The following MYBL2 variants were observed in gnomAD, a reference collection of about 807,000 sequenced individuals.
The protein encoded by MYBL2 is myb-related protein B.
In MYBL2, 28 loss-of-function variants were observed where a neutral mutation model predicts 79.9. That is an observed-to-expected ratio of 0.35 (90% CI 0.26 to 0.48). The LOEUF is 0.48. Among genes scored for constraint, MYBL2 ranks in the 20% least tolerant of loss-of-function variants. The pLI is 0.99. For synonymous variants in MYBL2, 378 were observed against 361.2 expected (o/e 1.05, Z -0.53); for missense variants, 735 against 893.9 (o/e 0.82, Z 2.27).
intron 13 of MYBL2, among the ~76,000 whole-genome samples, 184 bp from the exon 14 acceptor site, chr20:43,715,775 T>C (rs577999557): frequency 2.6e-4 from 39 of 152,160 alleles, no homozygotes; most frequent in African/African-American, 8.9e-4. Context: ...TACTTACAGT[T>C]GAGGAAGCCC....
intron 10 of MYBL2, among the ~76,000 whole-genome samples, chr20:43,711,007 G>A (rs1199873994): frequency 2.0e-5 from 3 of 152,118 alleles, no homozygotes; most frequent in Non-Finnish European, 4.4e-5. Flanking sequence ...AGTAGCACTC[G>A]CCCTCCCCTG....
At chr20:43,676,691 G>A (rs998627057) in intron 2 of MYBL2, among the ~76,000 whole-genome samples, 3 of 152,180 alleles carry the variant, frequency 2.0e-5, no homozygotes, top group Admixed American at 2.0e-4. Flanking sequence ...GTATGGTCAT[G>A]GGGTAGGTGT....
At chr20:43,696,675 A>G (rs906947330) in intron 6 of MYBL2, among the ~76,000 whole-genome samples, 8 of 152,296 alleles carry the variant, frequency 5.3e-5, no homozygotes, top group Non-Finnish European at 8.8e-5. Flanking sequence ...ATTTCCATCA[A>G]TGCTATAATG....
In MYBL2 at chr20:43,687,086, T is replaced by C. The variant is rs755464401; in HGVS notation, c.500+14T>C. On this transcript the variant is annotated intron_variant, in intron 5 of 13. Transcript: ENST00000217026. ...GTTGCCAGGGAGGTAAGCTGTCTTC[T>C]TGGGGGTTGGGACAGGTTCCCGGGA... is the stretch of plus-strand genomic sequence containing the variant. The C allele has an allele frequency of 4.3e-6, 7 of 1,610,476 alleles. No individual in the cohort carries two copies. Among genetic ancestry groups the C allele is most frequent in the Non-Finnish European group, 3.4e-6 (4 of 1,178,780 alleles).
Position 43,686,920 on chromosome 20 carries a change from G to C in MYBL2, c.348G>C (p.Arg116=). The C allele has an allele frequency of 6.2e-7, 1 of 1,614,230 alleles. No individual in the cohort carries two copies. The highest frequency in any genetic ancestry group is 2.2e-5 in the East Asian group (1 of 44,888). ...TGATTGCCAAGCACCTGAAGGGCCG[G>C]CTGGGGAAGCAGTGCCGTGAACGCT... ...WTLIAKHLKG[R]LGKQCRERWH... The change falls in exon 5 of 14, where the codon CGG becomes CGC. Residue 116 remains arginine (R), a synonymous_variant. Transcript: ENST00000217026.
chr20:43,699,733 A>G (rs924903466), intron 6 of MYBL2, 24 bp from the exon 7 acceptor site: 2 of 1,611,674 alleles, frequency 1.2e-6, no homozygotes, highest in Non-Finnish European at 1.7e-6. Context: ...CGAAATGCAA[A>G]TGGTGTATTC....
intron 9 of MYBL2, among the ~76,000 whole-genome samples, chr20:43,705,745 G>C (rs1293007957): frequency 6.6e-6 from 1 of 151,298 alleles, no homozygotes; most frequent in Non-Finnish European, 1.5e-5. Context: ...CTGTTGCCCA[G>C]GCTGGAGTGC....
Position 43,715,299 on chromosome 20 carries a change from A to T in MYBL2, c.1974+16A>T. The T allele has an allele frequency of 6.2e-7, 1 of 1,614,034 alleles. No individual in the cohort carries two copies. Among genetic ancestry groups the T allele is most frequent in the Non-Finnish European group, 8.5e-7 (1 of 1,179,980 alleles). ...ACCTGCCCCTGTGAGTGCTGTGGCCATCTCTGGGGGTCCTGCAGTGCCCGC... is the reference window on the plus strand; with the variant it reads ...ACCTGCCCCTGTGAGTGCTGTGGCCTTCTCTGGGGGTCCTGCAGTGCCCGC... On this transcript the variant is annotated intron_variant, in intron 13 of 13. Coordinates refer to ENST00000217026, the MANE Select transcript of MYBL2 (RefSeq NM_002466.4).
chr20:43,716,151 G>A lies in MYBL2; in HGVS notation c.*64G>A. The A allele has an allele frequency of 6.3e-7, 1 of 1,589,890 alleles. No individual in the cohort carries two copies. The highest frequency in any genetic ancestry group is 8.5e-7 in the Non-Finnish European group (1 of 1,175,988). Reference sequence around the variant, plus strand: ...GGGGTTGTGGGGGCAGAGGGGGTCTGTGAATCTGAGAGTCATTCAGGTGAC... The same window carrying A: ...GGGGTTGTGGGGGCAGAGGGGGTCTATGAATCTGAGAGTCATTCAGGTGAC... On this transcript the variant is annotated 3_prime_UTR_variant, in exon 14 of 14. Coordinates refer to ENST00000217026, the MANE Select transcript of MYBL2 (RefSeq NM_002466.4).
intron 5 of MYBL2, among the ~76,000 whole-genome samples, chr20:43,689,832 AAAG>A (rs1987364460): frequency 6.6e-6 from 1 of 152,182 alleles, no homozygotes; most frequent in Non-Finnish European, 1.5e-5. Flanking sequence ...TATGCGAGCA[AAAG>A]AAGGAGTCTC....
At chr20:43,694,876 A>T (rs950348655) in intron 6 of MYBL2, among the ~76,000 whole-genome samples, 1 of 152,190 alleles carries the variant, frequency 6.6e-6, no homozygotes, top group Non-Finnish European at 1.5e-5. Flanking sequence ...GACTTTCAGC[A>T]TAGGACAGAG....
intron 5 of MYBL2, among the ~76,000 whole-genome samples, chr20:43,690,574 C>T (rs1987382832): frequency 6.6e-6 from 1 of 152,150 alleles, no homozygotes; most frequent in Non-Finnish European, 1.5e-5. Context: ...CACCCCTTAC[C>T]CTACACCTTT....
At chr20:43,695,051 T>TC (rs1987502571) in intron 6 of MYBL2, among the ~76,000 whole-genome samples, 1 of 151,318 alleles carries the variant, frequency 6.6e-6, no homozygotes, top group Non-Finnish European at 1.5e-5. Context: ...TTTTTTTTTT[T>TC]TGGAGACAGA....
intron 4 of MYBL2, among the ~76,000 whole-genome samples, chr20:43,684,704 G>C (rs1351632124): frequency 2.0e-5 from 3 of 151,638 alleles, no homozygotes; most frequent in Non-Finnish European, 4.4e-5. Context: ...TAAGTAACTC[G>C]GCGTGGTGGT....
intron 12 of MYBL2, among the ~76,000 whole-genome samples, chr20:43,714,046 C>G (rs1306926171): frequency 6.6e-6 from 1 of 152,176 alleles, no homozygotes; most frequent in Admixed American, 6.5e-5. Context: ...GGCTGGGGAC[C>G]TGCAGCCAGG....
chr20:43,707,669 G>A (rs928215190), intron 9 of MYBL2, among the ~76,000 whole-genome samples: 3 of 152,148 alleles, frequency 2.0e-5, no homozygotes, highest in East Asian at 1.9e-4. Flanking sequence ...GATTACAGGC[G>A]TGAGCTGTAA....
Position 43,716,009 on chromosome 20 carries a change from T to C in MYBL2, c.2025T>C (p.Leu675=). The C allele has an allele frequency of 6.2e-7, 1 of 1,612,374 alleles. No individual in the cohort carries two copies. The highest frequency in any genetic ancestry group is 8.5e-7 in the Non-Finnish European group (1 of 1,179,858). ...CCTGCGGGGGGACCAGGGACCAGCT[T>C]TTCATGCAGGAGAAAGCCCGGCAGC... The part of the protein sequence containing the change: ...TVACGGTRDQ[L]FMQEKARQLL... The change falls in exon 14 of 14, where the codon CTT becomes CTC. Residue 675 remains leucine, a synonymous_variant. Transcript: ENST00000217026.
At chr20:43,673,755 G>C in intron 1 of MYBL2, 51 bp from the exon 2 acceptor site, 1 of 1,552,678 alleles carries the variant, frequency 6.4e-7, no homozygotes, top group Non-Finnish European at 8.8e-7. Flanking sequence ...TCTCCATTAT[G>C]TAAAACATAT....
chr20:43,687,067 A>G lies in MYBL2; in HGVS notation c.495A>G (p.Pro165=). Residue 165 remains proline, a synonymous_variant, in exon 5 of 14, where the codon CCA becomes CCG. Coordinates refer to ENST00000217026, the MANE Select transcript of MYBL2 (RefSeq NM_002466.4). The part of the protein sequence containing the change: ...NRWAEIAKML[P]GRTDNAVKNH... ...GGGCCGAGATCGCCAAGATGTTGCC[A>G]GGGAGGTAAGCTGTCTTCTTGGGGG... The G allele has an allele frequency of 6.2e-7, 1 of 1,612,484 alleles. No homozygotes were observed. Among genetic ancestry groups the G allele is most frequent in the Non-Finnish European group, 8.5e-7 (1 of 1,179,806 alleles).
Sources: allele counts gnomAD v4.1 joint callset (sites outside exome capture counted in the v4.1 genomes callset), GRCh38; gene constraint gnomAD v4.1.1; transcripts MANE v1.5; gene names NCBI Gene and HGNC (gene_info 2026-07-23, HGNC 2026-07-21).